OLFM3: variants seen among roughly 807,000 people sequenced by gnomAD.
OLFM3 encodes noelin-3.
OLFM3 carries 20 observed loss-of-function variants against 48.6 expected under a neutral mutation model. The ratio of observed to expected loss-of-function variants is 0.41; its 90% confidence interval spans 0.29 to 0.60. The LOEUF (loss-of-function observed/expected upper bound fraction) is 0.60, where lower values mean the gene tolerates loss of function less well. OLFM3 is among the 20% of genes least tolerant of loss of function. The pLI is 0.28. For missense variants in OLFM3, 437 were observed against 544.3 expected (o/e 0.80, Z 1.96); for synonymous variants, 222 against 198.1 (o/e 1.12, Z -1.01).
chr1:101,947,985 T>G (rs192321667), intron 1 of OLFM3, among the ~76,000 whole-genome samples: 1 of 152,290 alleles, frequency 6.6e-6, no homozygotes, highest in East Asian at 1.9e-4. Flanking sequence ...TTGCCACCAG[T>G]GTGTTTGGGA....
intron 3 of OLFM3, among the ~76,000 whole-genome samples, chr1:101,827,944 G>C (rs1308779869): frequency 1.3e-5 from 2 of 152,030 alleles, no homozygotes; most frequent in African/African-American, 4.8e-5. Flanking sequence ...CCCCCATGCT[G>C]TTCTGATACT....
intron 1 of OLFM3, among the ~76,000 whole-genome samples, chr1:101,916,839 G>A (rs964749238): frequency 6.6e-6 from 1 of 152,034 alleles, no homozygotes; most frequent in African/African-American, 2.4e-5. Context: ...ATAGCAAAGG[G>A]GATAGACGTA....
At chr1:101,906,310 G>C (rs924760085) in intron 1 of OLFM3, among the ~76,000 whole-genome samples, 3 of 151,992 alleles carry the variant, frequency 2.0e-5, no homozygotes, top group African/African-American at 7.2e-5. Flanking sequence ...CCTAGACACA[G>C]TGAGAAAATT....
At chr1:101,915,966 C>G (rs925200039) in intron 1 of OLFM3, among the ~76,000 whole-genome samples, 1 of 151,916 alleles carries the variant, frequency 6.6e-6, no homozygotes, top group African/African-American at 2.4e-5. Context: ...AGCAACTCTG[C>G]GAGGTAAAAA....
chr1:101,815,334 C>T (rs1340525633), intron 4 of OLFM3, among the ~76,000 whole-genome samples: 2 of 151,326 alleles, frequency 1.3e-5, no homozygotes, highest in African/African-American at 4.9e-5. Flanking sequence ...GTAGTCCCAG[C>T]TACTCAGGAA....
intron 4 of OLFM3, among the ~76,000 whole-genome samples, chr1:101,806,941 T>C (rs1276458803): frequency 1.3e-5 from 2 of 151,776 alleles, no homozygotes; most frequent in East Asian, 1.9e-4. Context: ...ATCTTAGAAA[T>C]AGCTTGGACT....
intron 1 of OLFM3, among the ~76,000 whole-genome samples, chr1:101,925,417 T>C (rs181908890): frequency 2.0e-5 from 3 of 152,220 alleles, no homozygotes; most frequent in African/African-American, 7.2e-5. Flanking sequence ...CCAGATTTCA[T>C]AGTATGCTGT....
At chr1:101,830,537 G>T (rs1655094153) in intron 3 of OLFM3, 135 bp downstream of exon 3, 2 of 885,794 alleles carry the variant, frequency 2.3e-6, no homozygotes, top group Non-Finnish European at 3.6e-6. Flanking sequence ...GTGGAGAGAT[G>T]ACTGAAATCC....
intron 1 of OLFM3, among the ~76,000 whole-genome samples, chr1:101,888,142 A>G (rs1657840759): frequency 6.6e-6 from 1 of 152,194 alleles, no homozygotes; most frequent in Non-Finnish European, 1.5e-5. Flanking sequence ...AGAATTGGAA[A>G]AAACTACTTT....
At chr1:101,808,678 A>G (rs918038939) in intron 4 of OLFM3, among the ~76,000 whole-genome samples, 7 of 151,862 alleles carry the variant, frequency 4.6e-5, no homozygotes, top group Non-Finnish European at 8.8e-5. Context: ...CCTCCTACAC[A>G]ATGACGTTGG....
intron 1 of OLFM3, among the ~76,000 whole-genome samples, chr1:101,858,572 A>C (rs1656521403): frequency 6.6e-6 from 1 of 151,934 alleles, no homozygotes. Context: ...TGTAATTCTC[A>C]ATGTTGGAGG....
chr1:101,891,846 T>C (rs1487782654), intron 1 of OLFM3, among the ~76,000 whole-genome samples: 2 of 152,044 alleles, frequency 1.3e-5, no homozygotes, highest in Non-Finnish European at 2.9e-5. Context: ...TGTAGTTATA[T>C]TTCACTATGT....
rs569771455 is a variant in OLFM3, at chr1:101,838,543, A to T, written c.70-1518T>A. On this transcript the variant is annotated intron_variant, in intron 1 of 5. Transcript: ENST00000370103. ...AGTGGAAGAAAGTTACCACATGTAG[A>T]CTTGAAATTCTGTAAACTAGAAGTG... Among the ~76,000 whole-genome samples the T allele has an allele frequency of 1.4e-3, 214 of 152,350 alleles. 1 individual carries two copies. The highest frequency in any genetic ancestry group is 2.5e-3 in the Non-Finnish European group (173 of 68,032).
intron 4 of OLFM3, among the ~76,000 whole-genome samples, chr1:101,812,079 A>G (rs920170457): frequency 1.3e-5 from 2 of 152,000 alleles, no homozygotes; most frequent in African/African-American, 2.4e-5. Flanking sequence ...GCAAACTATC[A>G]CAAGGACAAA....
intron 1 of OLFM3, among the ~76,000 whole-genome samples, chr1:101,864,713 GT>G (rs1656790419): frequency 3.3e-5 from 5 of 152,168 alleles, no homozygotes; most frequent in Admixed American, 2.6e-4. Context: ...TCAAGAGACA[GT>G]GTGGTTGAGG....
At chr1:101,857,976 T>TTGAAAA (rs1656498894) in intron 1 of OLFM3, among the ~76,000 whole-genome samples, 1 of 152,068 alleles carries the variant, frequency 6.6e-6, no homozygotes, top group Admixed American at 6.6e-5. Flanking sequence ...TATCTGAACA[T>TTGAAAA]TGAAAATGCA....
At chr1:101,809,394 A>T (rs1231506382) in intron 4 of OLFM3, among the ~76,000 whole-genome samples, 1 of 151,932 alleles carries the variant, frequency 6.6e-6, no homozygotes, top group Non-Finnish European at 1.5e-5. Flanking sequence ...CTCATCACCA[A>T]TACTGGATGC....
At chr1:101,902,660 C>A (rs1658426378) in intron 1 of OLFM3, among the ~76,000 whole-genome samples, 2 of 152,086 alleles carry the variant, frequency 1.3e-5, no homozygotes, top group African/African-American at 4.8e-5. Context: ...TAAACAAACA[C>A]CACTTGGTTG....
At chr1:101,836,157 C>G (rs1023676022) in intron 2 of OLFM3, among the ~76,000 whole-genome samples, 16 of 152,206 alleles carry the variant, frequency 1.1e-4, no homozygotes, top group Non-Finnish European at 7.3e-5. Flanking sequence ...CGTCATCTTT[C>G]CATAATCTGG....
Sources: allele counts gnomAD v4.1 joint callset (sites outside exome capture counted in the v4.1 genomes callset), GRCh38; gene constraint gnomAD v4.1.1; transcripts MANE v1.5; gene names NCBI Gene and HGNC (gene_info 2026-07-23, HGNC 2026-07-21).